SEC61A2: variants seen among roughly 807,000 people sequenced by gnomAD.
The protein encoded by SEC61A2 is protein transport protein Sec61 subunit alpha isoform 2.
SEC61A2 carries 28 observed loss-of-function variants against 59.9 expected under a neutral mutation model. The ratio of observed to expected loss-of-function variants is 0.47; its 90% CI spans 0.35 to 0.64. The LOEUF (loss-of-function observed/expected upper bound fraction) is 0.64. Among genes scored for constraint, SEC61A2 ranks in the 30% least tolerant of loss-of-function variants. SEC61A2 has a pLI of 0.01. For synonymous variants in SEC61A2, 202 were observed against 214.4 expected (o/e 0.94, Z 0.50); for missense variants, 340 against 585.9 (o/e 0.58, Z 4.33).
At chr10:12,150,236 G>T (rs763756897) in intron 6 of SEC61A2, among the ~76,000 whole-genome samples, 3 of 152,164 alleles carry the variant, frequency 2.0e-5, no homozygotes, top group Non-Finnish European at 4.4e-5. Context: ...GTATTTTATT[G>T]ATTCTTAAGA....
At chr10:12,141,301 A>G (rs1834014281) in intron 3 of SEC61A2, among the ~76,000 whole-genome samples, 1 of 152,222 alleles carries the variant, frequency 6.6e-6, no homozygotes, top group African/African-American at 2.4e-5. Flanking sequence ...TGATAAATTC[A>G]GACTTTCAGG....
At chr10:12,151,452 C>T (rs1479905088) in intron 6 of SEC61A2, among the ~76,000 whole-genome samples, 8 of 150,496 alleles carry the variant, frequency 5.3e-5, no homozygotes, top group Non-Finnish European at 1.2e-4. Context: ...GCTGGGACTA[C>T]AGGCGCGCGC....
intron 8 of SEC61A2, among the ~76,000 whole-genome samples, chr10:12,157,423 C>T (rs1243053978): frequency 1.3e-5 from 2 of 151,634 alleles, no homozygotes; most frequent in Non-Finnish European, 2.9e-5. Flanking sequence ...CTAACCTCCT[C>T]TTCCCGAGTT....
intron 3 of SEC61A2, among the ~76,000 whole-genome samples, chr10:12,138,675 C>T (rs1833942326): frequency 6.6e-6 from 1 of 152,170 alleles, no homozygotes; most frequent in Non-Finnish European, 1.5e-5. Context: ...GAGATTAATT[C>T]ATATGGTCGT....
chr10:12,155,884 C>G lies in SEC61A2; in HGVS notation c.569C>G (p.Thr190Ser). The G allele has an allele frequency of 4.3e-6, 7 of 1,614,174 alleles. No homozygotes were observed. The highest frequency in any genetic ancestry group is 1.1e-5 in the South Asian group (1 of 91,082). ...SLFIATNICE[T>S]IVWKAFSPTT... ...TTTATTGCCACCAACATCTGTGAGA[C>G]CATTGTCTGGAAGGCCTTTAGTCCC... The change falls in exon 7 of 12, where the codon ACC becomes AGC. Residue 190 changes from threonine (T) to serine (S), a missense_variant. Thr to Ser is a moderately conservative substitution (Grantham distance 58). Around this residue, in one of 3 missense-constraint regions of SEC61A2, gnomAD observed 283 missense variants for 483.2 expected, o/e 0.59. Transcript: ENST00000298428. The surrounding 1 kb of genome is among the most constrained non-coding windows in gnomAD (Gnocchi z 4.3).
At position 12,152,354 on chromosome 10, in the gene SEC61A2, A is replaced by G. The variant is rs1262845974; in HGVS notation, c.462+2393A>G. Among the ~76,000 whole-genome samples the G allele has an allele frequency of 6.6e-6, 1 of 151,618 alleles. No homozygotes were observed. Among genetic ancestry groups the G allele is most frequent in the African/African-American group, 2.4e-5 (1 of 41,232 alleles). ...CTCGGCCTTCCAAAATGCTGGGATT[A>G]CAGGCGTGAGCCACCACGCCCCGCC... On this transcript the variant is annotated intron_variant, in intron 6 of 11. Transcript: ENST00000298428. This position sits in a 1 kb window ranked among gnomAD's most constrained non-coding sequence, Gnocchi z 5.5.
At position 12,155,487 on chromosome 10, in the gene SEC61A2, C is replaced by A; in HGVS notation, c.463-291C>A. On this transcript the variant is annotated intron_variant, in intron 6 of 11. Transcript: ENST00000298428. The surrounding 1 kb of genome is among the most constrained non-coding windows in gnomAD (Gnocchi z 4.3). Reference sequence around the variant, plus strand: ...TTTTTGTTTCAGTGTGCTTTTCAAACAGGCTTTATTTAAACATTGCAAAAG... The same window carrying A: ...TTTTTGTTTCAGTGTGCTTTTCAAAAAGGCTTTATTTAAACATTGCAAAAG... The A allele has an allele frequency of 1.3e-6, 1 of 783,830 alleles. No individual in the cohort carries two copies. Among genetic ancestry groups the A allele is most frequent in the Non-Finnish European group, 1.9e-6 (1 of 514,260 alleles). 48.6% of individuals were successfully genotyped at this position (783,830 alleles called of 1,614,324 possible).
At chr10:12,151,168 A>G (rs944867513) in intron 6 of SEC61A2, among the ~76,000 whole-genome samples, 2 of 151,404 alleles carry the variant, frequency 1.3e-5, no homozygotes, top group South Asian at 4.1e-4. Flanking sequence ...AACAGATCAT[A>G]CTTAAGTTAT....
chr10:12,158,115 A>G lies in SEC61A2; in HGVS notation c.975+10A>G, dbSNP rs748194883. ...ACTAGGACAGTGGGCCGTGAGTATTATGTTTATTTACATTATTTATAGTTT... is the reference window on the plus strand; with the variant it reads ...ACTAGGACAGTGGGCCGTGAGTATTGTGTTTATTTACATTATTTATAGTTT... On this transcript the variant is annotated intron_variant, in intron 9 of 11. Coordinates refer to ENST00000298428, the MANE Select transcript of SEC61A2 (RefSeq NM_018144.4). The surrounding 1 kb of genome is among the most constrained non-coding windows in gnomAD (Gnocchi z 5.7). 6.3e-7 allele frequency: 1 copy of G among 1,583,720 alleles called. No individual in the cohort carries two copies.
At position 12,162,599 on chromosome 10, in the gene SEC61A2, T is replaced by C. The variant is rs2131683220; in HGVS notation, c.1244+310T>C. On this transcript the variant is annotated intron_variant, in intron 11 of 11. Coordinates refer to ENST00000298428, the MANE Select transcript of SEC61A2 (RefSeq NM_018144.4). The surrounding 1 kb of genome is among the most constrained non-coding windows in gnomAD (Gnocchi z 6.1). ...AGGATTTCCCAGGAACTGTGGCTTA[T>C]TTGGTCTGGGGTGAGTTCCAGGCAT... The C allele has an allele frequency of 8.5e-6, 4 of 472,938 alleles. No individual in the cohort carries two copies. Among genetic ancestry groups the C allele is most frequent in the South Asian group, 6.1e-5 (3 of 48,970 alleles). 29.3% of individuals were successfully genotyped at this position (472,938 alleles called of 1,614,324 possible). A position where few individuals can be genotyped will look rare whatever the true frequency, so the allele number is the denominator to read the frequency against.
intron 3 of SEC61A2, among the ~76,000 whole-genome samples, chr10:12,137,252 T>A (rs868322452): frequency 2.0e-5 from 3 of 152,162 alleles, no homozygotes; most frequent in African/African-American, 4.8e-5. Flanking sequence ...AAAACCAAAT[T>A]TTTGCAATCT....
intron 3 of SEC61A2, among the ~76,000 whole-genome samples, chr10:12,137,363 C>T (rs987334470): frequency 6.6e-6 from 1 of 152,086 alleles, no homozygotes; most frequent in African/African-American, 2.4e-5. Flanking sequence ...CTCTGTCACC[C>T]AGGCTGCAGT....
At position 12,142,040 on chromosome 10, in the gene SEC61A2, G is replaced by C. The variant is rs563465418; in HGVS notation, c.142-1077G>C. 1.6e-4 allele frequency among the ~76,000 whole-genome samples: 24 copies of C among 152,334 alleles called. No individual in the cohort carries two copies. Among genetic ancestry groups the C allele is most frequent in the African/African-American group, 5.1e-4 (21 of 41,584 alleles). On this transcript the variant is annotated intron_variant, in intron 3 of 11. Coordinates refer to ENST00000298428, the MANE Select transcript of SEC61A2 (RefSeq NM_018144.4). The surrounding 1 kb of genome is among the most constrained non-coding windows in gnomAD (Gnocchi z 5.4). ...CCAGGGCTAATCTATCATAGGGAAG[G>C]GGTGTATGTGCTTTGTGCAGGACAG...
At position 12,160,050 on chromosome 10, in the gene SEC61A2, G is replaced by C. The variant is rs548905386; in HGVS notation, c.976-880G>C. On this transcript the variant is annotated intron_variant, in intron 9 of 11. Transcript: ENST00000298428. The surrounding 1 kb of genome is among the most constrained non-coding windows in gnomAD (Gnocchi z 4.1). ...TCTGGCTAATATTATATCGAGGACAGGAAAGTCAAGAGACAGGAATAAGAA... is the reference window on the plus strand; with the variant it reads ...TCTGGCTAATATTATATCGAGGACACGAAAGTCAAGAGACAGGAATAAGAA... Among the ~76,000 whole-genome samples, 23 of 152,098 alleles carry C rather than the reference G, an allele frequency of 1.5e-4. No individual in the cohort carries two copies. Among genetic ancestry groups the C allele is most frequent in the Admixed American group, 5.2e-4 (8 of 15,284 alleles).
Position 12,149,841 on chromosome 10 carries a change from A to C in SEC61A2, c.353-11A>C, listed in dbSNP as rs376045940. 8.1e-6 allele frequency: 13 copies of C among 1,612,304 alleles called. No individual in the cohort carries two copies. In the African/African-American group the frequency reaches 1.2e-4, roughly 15 times the overall value. On this transcript the variant is annotated splice_polypyrimidine_tract_variant and intron_variant, in intron 5 of 11. Transcript: ENST00000298428. This position sits in a 1 kb window ranked among gnomAD's most constrained non-coding sequence, Gnocchi z 5.2. ...GTAAGCGTGCTCTCCTTTCCCCCCA[A>C]CTTTCATCAGTGTTTGGTATGATCA...
chr10:12,140,852 G>A (rs751517457), intron 3 of SEC61A2, among the ~76,000 whole-genome samples: 14 of 151,526 alleles, frequency 9.2e-5, no homozygotes, highest in East Asian at 3.9e-4. Flanking sequence ...CACCCATCTC[G>A]ACCTCCCAAA....
rs1188660395 is a variant in SEC61A2, at chr10:12,148,234, CG to C, written c.221-1359del. Among the ~76,000 whole-genome samples, 204 of 134,228 alleles carry C rather than the reference CG, an allele frequency of 1.5e-3. 1 individual carries two copies. Among genetic ancestry groups the C allele is most frequent in the African/African-American group, 5.2e-3 (193 of 37,188 alleles). The allele number at this position is 134,228 out of a possible 152,430, so 88.1% of individuals were successfully genotyped here. A position where few individuals can be genotyped will look rare whatever the true frequency, so the allele number is the denominator to read the frequency against. On this transcript the variant is annotated intron_variant, in intron 4 of 11. Coordinates refer to ENST00000298428, the MANE Select transcript of SEC61A2 (RefSeq NM_018144.4). ...GATTACAGGCGTGAGCCACCATGCC[CG>C]GCCATTTTTTTTTTTTTTTTTTTTT...
At chr10:12,148,239 ATTT>A (rs66965878) in intron 4 of SEC61A2, among the ~76,000 whole-genome samples, 41 of 97,356 alleles carry the variant, frequency 4.2e-4, no homozygotes, top group Admixed American at 1.3e-3. Context: ...ATGCCCGGCC[ATTT>A]TTTTTTTTTT....
rs1834632377 is a variant in SEC61A2 at position 12,165,024 on chromosome 10, C to G, written c.*570C>G. 2.0e-6 allele frequency: 2 copies of G among 986,256 alleles called. No homozygotes were observed. The highest frequency in any genetic ancestry group is 2.4e-6 in the Non-Finnish European group (2 of 830,412). 61.1% of individuals were successfully genotyped at this position (986,256 alleles called of 1,614,324 possible). On this transcript the variant is annotated 3_prime_UTR_variant, in exon 12 of 12. Transcript: ENST00000298428. The stretch of plus-strand genomic sequence containing the variant: ...ATCAAGTCTCCAGTTATTTCTGCCA[C>G]AACTGCTTCTAAGGCCTCCTCCTTC...
Sources: allele counts gnomAD v4.1 joint callset (sites outside exome capture counted in the v4.1 genomes callset), GRCh38; gene constraint gnomAD v4.1.1; regional missense constraint gnomAD v4.1.1; non-coding constraint Gnocchi (gnomAD v3.1); transcripts MANE v1.5; gene names NCBI Gene and HGNC (gene_info 2026-07-23, HGNC 2026-07-21).